SUPT3H: variants seen among roughly 807,000 people sequenced by gnomAD.
SUPT3H encodes the protein transcription initiation protein SPT3 homolog.
Under a neutral mutation model 44.3 loss-of-function variants are expected in SUPT3H, and 44 were observed. The ratio of observed to expected loss-of-function variants is 0.99; its 90% CI spans 0.78 to 1.28. The LOEUF (loss-of-function observed/expected upper bound fraction) is 1.28. Ranked by LOEUF, SUPT3H falls within the 50% of genes most tolerant of loss-of-function variation. SUPT3H has a pLI of 0.00. For missense variants in SUPT3H, 380 were observed against 387.1 expected, an observed-to-expected ratio of 0.98 and a Z score of 0.15; for synonymous variants, 124 against 125.6, an observed-to-expected ratio of 0.99 and a Z score of 0.09.
chr6:45,009,756 T>C (rs1039352558), intron 5 of SUPT3H, among the ~76,000 whole-genome samples: 1 of 152,184 alleles, frequency 6.6e-6, no homozygotes, highest in African/African-American at 2.4e-5. Context: ...GTCCTCTGAC[T>C]TTATTCTTTG....
At chr6:45,059,406 C>CT (rs1462404822) in intron 3 of SUPT3H, among the ~76,000 whole-genome samples, 1 of 152,076 alleles carries the variant, frequency 6.6e-6, no homozygotes, top group Non-Finnish European at 1.5e-5. Context: ...GTTAAAAACT[C>CT]CCAATAAACT....
At chr6:44,960,252 C>G (rs1775817523) in intron 7 of SUPT3H, among the ~76,000 whole-genome samples, 1 of 151,318 alleles carries the variant, frequency 6.6e-6, no homozygotes, top group South Asian at 2.1e-4. Context: ...ATTAAAAATA[C>G]AAAAATTAGC....
chr6:45,122,038 C>A (rs9463068), intron 2 of SUPT3H, among the ~76,000 whole-genome samples: 46 of 147,484 alleles, frequency 3.1e-4, no homozygotes, highest in African/African-American at 3.7e-4. Context: ...CATTTAAAAA[C>A]AAAAAAAAAA....
chr6:45,373,312 G>A (rs913770506), intron 1 of SUPT3H, among the ~76,000 whole-genome samples: 1 of 152,006 alleles, frequency 6.6e-6, no homozygotes, highest in African/African-American at 2.4e-5. Context: ...TATTTTCAGA[G>A]GGAGAACTAC....
chr6:44,852,277 C>T (rs980380540), intron 10 of SUPT3H, among the ~76,000 whole-genome samples: 3 of 152,056 alleles, frequency 2.0e-5, no homozygotes, highest in Non-Finnish European at 4.4e-5. Context: ...CAACTAATTC[C>T]ACTCTACTAT....
At position 45,361,337 on chromosome 6, in the gene SUPT3H, G is replaced by A. The variant is rs551078560; in HGVS notation, c.101+3864C>T. 7.2e-5 allele frequency among the ~76,000 whole-genome samples: 11 copies of A among 152,088 alleles called. No homozygotes were observed. In the South Asian group the frequency reaches 1.2e-3, roughly 17 times the overall value. ...AAAACTCCCAATTTTTAAAAACGTGGTGACATTATAATTACTAAGCACTAC... is the reference window on the plus strand; with the variant it reads ...AAAACTCCCAATTTTTAAAAACGTGATGACATTATAATTACTAAGCACTAC... On this transcript the variant is annotated intron_variant, in intron 2 of 10. Coordinates refer to ENST00000371459, the MANE Select transcript of SUPT3H (RefSeq NM_003599.4).
intron 2 of SUPT3H, among the ~76,000 whole-genome samples, chr6:45,116,297 T>C (rs1187248569): frequency 2.0e-5 from 3 of 152,152 alleles, no homozygotes; most frequent in African/African-American, 7.2e-5. Context: ...TGAACACCTG[T>C]AAATCCTTCA....
intron 10 of SUPT3H, among the ~76,000 whole-genome samples, chr6:44,917,003 A>AC (rs869154289): frequency 4.0e-5 from 6 of 151,570 alleles, no homozygotes; most frequent in African/African-American, 1.5e-4. Context: ...AAACAAACAA[A>AC]ACTACTTGGG....
intron 2 of SUPT3H, among the ~76,000 whole-genome samples, chr6:45,347,575 T>C (rs1017506659): frequency 6.6e-6 from 1 of 152,136 alleles, no homozygotes; most frequent in African/African-American, 2.4e-5. Context: ...AGGCTTACAT[T>C]CCATATATTT....
chr6:45,027,483 C>T (rs538133172), intron 3 of SUPT3H, among the ~76,000 whole-genome samples: 2 of 152,262 alleles, frequency 1.3e-5, no homozygotes, highest in Admixed American at 1.3e-4. Flanking sequence ...TCTCCATTGA[C>T]TATTTTTTCT....
chr6:45,191,509 G>T (rs1422505858), intron 2 of SUPT3H, among the ~76,000 whole-genome samples: 1 of 152,028 alleles, frequency 6.6e-6, no homozygotes, highest in East Asian at 1.9e-4. Flanking sequence ...TTATACATTT[G>T]TCCAAACCCA....
intron 10 of SUPT3H, among the ~76,000 whole-genome samples, chr6:44,901,337 T>A (rs921529132): frequency 1.3e-5 from 2 of 152,040 alleles, no homozygotes; most frequent in South Asian, 2.1e-4. Flanking sequence ...AAGGACCTGA[T>A]GGAGCTGAAA....
At chr6:44,950,214 C>T (rs1302765663) in intron 9 of SUPT3H, among the ~76,000 whole-genome samples, 1 of 152,184 alleles carries the variant, frequency 6.6e-6, no homozygotes, top group Non-Finnish European at 1.5e-5. Context: ...TTTCTTCAGA[C>T]ACCTGCCCCC....
At chr6:44,939,614 T>G (rs1772071952) in intron 9 of SUPT3H, among the ~76,000 whole-genome samples, 1 of 152,100 alleles carries the variant, frequency 6.6e-6, no homozygotes, top group African/African-American at 2.4e-5. Context: ...CTTAATTTTT[T>G]GGGGCAGGTT....
intron 10 of SUPT3H, among the ~76,000 whole-genome samples, chr6:44,896,946 G>A (rs906788857): frequency 1.3e-5 from 2 of 152,166 alleles, no homozygotes; most frequent in Admixed American, 6.5e-5. Flanking sequence ...CTGTGCCAAA[G>A]CGCCTTATGC....
rs1554294700 is a variant in SUPT3H at position 45,230,684 on chromosome 6, A to ATATATATATG, written c.102-124679_102-124678insCATATATATA. Among the ~76,000 whole-genome samples the ATATATATATG allele has an allele frequency of 4.0e-5, 4 of 101,070 alleles. 1 individual carries two copies. Among genetic ancestry groups the ATATATATATG allele is most frequent in the African/African-American group, 1.6e-4 (4 of 25,056 alleles). 66.3% of individuals were successfully genotyped at this position (101,070 alleles called of 152,430 possible). On this transcript the variant is annotated intron_variant, in intron 2 of 10. Transcript: ENST00000371459. ...AGTCTATATATATATATATATATAT[A>ATATATATATG]TATTTTTGAGATGGAGTCTTGCTCT...
At chr6:44,975,330 T>G (rs1459579129) in intron 6 of SUPT3H, among the ~76,000 whole-genome samples, 1 of 152,172 alleles carries the variant, frequency 6.6e-6, no homozygotes, top group Non-Finnish European at 1.5e-5. Flanking sequence ...AAGTTGGGCC[T>G]AAATGCCCAT....
chr6:45,114,816 A>T (rs1800604114), intron 2 of SUPT3H, among the ~76,000 whole-genome samples: 1 of 152,192 alleles, frequency 6.6e-6, no homozygotes, highest in Non-Finnish European at 1.5e-5. Flanking sequence ...AGGTCAAAAA[A>T]TAATCTAAAA....
intron 2 of SUPT3H, among the ~76,000 whole-genome samples, chr6:45,321,248 C>T (rs1785449911): frequency 6.6e-6 from 1 of 152,060 alleles, no homozygotes; most frequent in Non-Finnish European, 1.5e-5. Context: ...CTCATATTCA[C>T]TCATTTTTAA....
Sources: gnomAD v4.1 joint callset for allele counts (sites outside exome capture counted in the v4.1 genomes callset) on GRCh38, gnomAD v4.1.1 for gene constraint, MANE v1.5 for transcripts, NCBI Gene and HGNC (gene_info 2026-07-23, HGNC 2026-07-21) for gene names.